STK24: variants seen among roughly 807,000 people sequenced by gnomAD.
STK24 encodes serine/threonine kinase 24.
In STK24, 21 loss-of-function variants were observed where a neutral mutation model predicts 55.6. The ratio of observed to expected loss-of-function variants is 0.38; its 90% CI spans 0.27 to 0.54. The LOEUF (loss-of-function observed/expected upper bound fraction) is 0.54. Among genes scored for constraint, STK24 ranks in the 20% least tolerant of loss-of-function variants. The probability of loss-of-function intolerance (pLI) is 0.79; values close to 1 mark genes in which losing one functional copy is unlikely to be tolerated. For synonymous variants in STK24, 200 were observed against 215.2 expected, an observed-to-expected ratio of 0.93 and a Z score of 0.62; for missense variants, 383 against 538.4, an observed-to-expected ratio of 0.71 and a Z score of 2.86.
At chr13:98,531,547 C>A (rs941940351) in intron 1 of STK24, among the ~76,000 whole-genome samples, 2 of 152,166 alleles carry the variant, frequency 1.3e-5, no homozygotes, top group South Asian at 4.1e-4. Flanking sequence ...GGGCTCCACA[C>A]ACCAGCCAAC....
chr13:98,495,041 G>A (rs1330555868), intron 2 of STK24, among the ~76,000 whole-genome samples: 6 of 152,172 alleles, frequency 3.9e-5, no homozygotes, highest in Admixed American at 1.3e-4. Flanking sequence ...TCCCAGCTCC[G>A]TCTAGCACCC....
chr13:98,566,872 C>T (rs1217936069), intron 1 of STK24, among the ~76,000 whole-genome samples: 4 of 152,200 alleles, frequency 2.6e-5, no homozygotes, highest in Admixed American at 1.3e-4. Flanking sequence ...ACCACAGGAA[C>T]GCTCCTCAAG....
At chr13:98,511,901 ATTT>A (rs10641055) in intron 2 of STK24, among the ~76,000 whole-genome samples, 1 of 141,198 alleles carries the variant, frequency 7.1e-6, no homozygotes. Flanking sequence ...TTTTACAGTA[ATTT>A]TTTTTTTTTT....
At position 98,548,579 on chromosome 13, in the gene STK24, T is replaced by C. The variant is rs544750495; in HGVS notation, c.42+28166A>G. On this transcript the variant is annotated intron_variant, in intron 1 of 10. Coordinates refer to ENST00000539966, the MANE Select transcript of STK24 (RefSeq NM_001032296.4). ...TCTTTCTACATGAAAATAGAACAAA[T>C]GGCTGGGCACGGTGGCTCACACCTG... 3.0e-4 allele frequency among the ~76,000 whole-genome samples: 45 copies of C among 152,218 alleles called. 1 individual carries two copies. In the South Asian group the frequency reaches 9.1e-3, roughly 31 times the overall value.
At chr13:98,478,824 T>A (rs1338758918) in intron 3 of STK24, among the ~76,000 whole-genome samples, 1 of 152,210 alleles carries the variant, frequency 6.6e-6, no homozygotes, top group African/African-American at 2.4e-5. Context: ...GATCTTTTAA[T>A]CAGCTAAAAC....
chr13:98,569,047 G>A (rs912535250), intron 1 of STK24, among the ~76,000 whole-genome samples: 2 of 152,044 alleles, frequency 1.3e-5, no homozygotes, highest in African/African-American at 2.4e-5. Flanking sequence ...TATCTGTCAC[G>A]AGAAACGAAA....
chr13:98,547,181 G>A (rs1188814498), intron 1 of STK24, among the ~76,000 whole-genome samples: 2 of 152,092 alleles, frequency 1.3e-5, no homozygotes, highest in African/African-American at 4.8e-5. Context: ...CAAAGTGCTG[G>A]GATTACAGGC....
intron 9 of STK24, among the ~76,000 whole-genome samples, chr13:98,458,035 G>A (rs1205754316): frequency 1.3e-5 from 2 of 152,302 alleles, no homozygotes; most frequent in African/African-American, 4.8e-5. Context: ...ATGTTAATGG[G>A]TTGGTTCTTA....
chr13:98,475,110 A>AC (rs34623982), intron 4 of STK24, 132 bp from the exon 5 acceptor site: 1 of 1,411,398 alleles, frequency 7.1e-7, no homozygotes, highest in Non-Finnish European at 9.5e-7. Flanking sequence ...TTTTTGTCAG[A>AC]CCCCCTCAAA....
chr13:98,519,464 C>T lies in STK24; in HGVS notation c.52G>A (p.Ala18Thr), dbSNP rs138709503. Residue 18 changes from alanine (A) to threonine (T), a missense_variant, in exon 2 of 11, where the codon GCA becomes ACA. Coordinates refer to ENST00000539966, the MANE Select transcript of STK24 (RefSeq NM_001032296.4). ...SGLPGMQNLKADPEELFTKLE... is the reference protein window; with the variant it reads ...SGLPGMQNLKTDPEELFTKLE... ...TTTGTAAAAAGCTCTTCTGGGTCTGCCTTTAGGTTCTGTAGAGAGAAGGAA... is the reference window on the plus strand; with the variant it reads ...TTTGTAAAAAGCTCTTCTGGGTCTGTCTTTAGGTTCTGTAGAGAGAAGGAA... 54 of 1,614,014 alleles carry T rather than the reference C, an allele frequency of 3.3e-5. No individual in the cohort carries two copies. The highest frequency in any genetic ancestry group is 4.5e-5 in the Non-Finnish European group (53 of 1,179,960).
intron 1 of STK24, among the ~76,000 whole-genome samples, chr13:98,546,680 G>A (rs1473296849): frequency 6.6e-6 from 1 of 152,160 alleles, no homozygotes; most frequent in Non-Finnish European, 1.5e-5. Flanking sequence ...AGGTGGGGCA[G>A]CCCCTATCAC....
At chr13:98,561,280 G>A (rs1897411882) in intron 1 of STK24, among the ~76,000 whole-genome samples, 1 of 152,106 alleles carries the variant, frequency 6.6e-6, no homozygotes, top group South Asian at 2.1e-4. Flanking sequence ...TTTCTCCAAA[G>A]GCAAAAGAAA....
chr13:98,510,743 G>A (rs1895852949), intron 2 of STK24, among the ~76,000 whole-genome samples: 2 of 152,190 alleles, frequency 1.3e-5, no homozygotes, highest in Non-Finnish European at 2.9e-5. Flanking sequence ...GGAGACTCGG[G>A]AATCTGGGAA....
chr13:98,470,408 G>A (rs1212336802), intron 5 of STK24, among the ~76,000 whole-genome samples: 2 of 152,222 alleles, frequency 1.3e-5, no homozygotes, highest in African/African-American at 4.8e-5. Flanking sequence ...TGGGATTATA[G>A]GCGTGAGCCA....
At chr13:98,535,066 G>A (rs1365570974) in intron 1 of STK24, among the ~76,000 whole-genome samples, 7 of 152,162 alleles carry the variant, frequency 4.6e-5, no homozygotes, top group African/African-American at 7.2e-5. Flanking sequence ...AATATGCAAC[G>A]GGCCAGGCGT....
chr13:98,489,647 G>A (rs1245269019), intron 2 of STK24, among the ~76,000 whole-genome samples: 5 of 152,222 alleles, frequency 3.3e-5, no homozygotes, highest in Non-Finnish European at 5.9e-5. Context: ...CTCCAGGAGG[G>A]AGGCGGCACC....
chr13:98,544,318 A>G (rs944372799), intron 1 of STK24, among the ~76,000 whole-genome samples: 39 of 152,220 alleles, frequency 2.6e-4, no homozygotes, highest in Non-Finnish European at 5.1e-4. Context: ...CTGCAGACAC[A>G]GAAGTCCCCA....
chr13:98,572,175 C>T (rs1385451499), intron 1 of STK24, among the ~76,000 whole-genome samples: 1 of 152,212 alleles, frequency 6.6e-6, no homozygotes, highest in Non-Finnish European at 1.5e-5. Flanking sequence ...GGCAGCCGAC[C>T]TCTTGAGGAC....
intron 2 of STK24, among the ~76,000 whole-genome samples, chr13:98,483,599 A>G (rs1894689297): frequency 6.6e-6 from 1 of 152,156 alleles, no homozygotes; most frequent in Middle Eastern, 3.2e-3. Context: ...GCAAGTCAGG[A>G]AAATGCTTCA....
Sources: allele counts gnomAD v4.1 joint callset (sites outside exome capture counted in the v4.1 genomes callset), GRCh38; gene constraint gnomAD v4.1.1; transcripts MANE v1.5; gene names NCBI Gene and HGNC (gene_info 2026-07-23, HGNC 2026-07-21).